Variants in AFF3 observed in about 807,000 individuals in gnomAD.
AFF3 encodes the protein AF4/FMR2 family member 3.
A neutral mutation model predicts 129.7 loss-of-function variants in AFF3; 32 were observed. The ratio of observed to expected loss-of-function variants is 0.25; its 90% CI spans 0.19 to 0.33. The LOEUF (loss-of-function observed/expected upper bound fraction) is 0.33, where lower values mean the gene tolerates loss of function less well. Among genes scored for constraint, AFF3 ranks in the 10% least tolerant of loss-of-function variants. AFF3 has a pLI of 1.00. For missense variants in AFF3, 1,373 were observed against 1,592.0 expected (o/e 0.86, Z 2.34); for synonymous variants, 644 against 635.4 (o/e 1.01, Z -0.20).
chr2:100,102,989 A>G (rs1024599494), intron 4 of AFF3, among the ~76,000 whole-genome samples: 5 of 147,934 alleles, frequency 3.4e-5, no homozygotes, highest in African/African-American at 1.3e-4. Context: ...TTCCAGTGCA[A>G]TACGTAAAAG....
chr2:99,639,516 C>T (rs766227243), intron 13 of AFF3, among the ~76,000 whole-genome samples: 2 of 152,088 alleles, frequency 1.3e-5, no homozygotes, highest in Non-Finnish European at 2.9e-5. Context: ...ACACTGCCCC[C>T]GACAGTTCTC....
chr2:99,799,618 A>G (rs1685788158), intron 8 of AFF3, among the ~76,000 whole-genome samples: 1 of 152,102 alleles, frequency 6.6e-6, no homozygotes, highest in Non-Finnish European at 1.5e-5. Context: ...GAAATTGACA[A>G]GTTGGTTCTA....
At chr2:99,880,908 C>A in intron 7 of AFF3, among the ~76,000 whole-genome samples, 1 of 152,148 alleles carries the variant, frequency 6.6e-6, no homozygotes, top group East Asian at 1.9e-4. Context: ...TAGGAAAATT[C>A]CCCTTCTGTC....
At position 99,744,143 on chromosome 2, in the gene AFF3, GAAA is replaced by G. The variant is rs764218254; in HGVS notation, c.1003-6_1003-4del. ...CCAGAGGATACAAGCTGAGAGTCCT[GAAA>G]GAACAAGAAATATCAATTAATTTTC... is the stretch of plus-strand genomic sequence containing the variant. On this transcript the variant is annotated splice_region_variant and splice_polypyrimidine_tract_variant and intron_variant, in intron 9 of 24. Transcript: ENST00000672756. 1 of 1,599,042 alleles carries G rather than the reference GAAA, an allele frequency of 6.3e-7. No individual in the cohort carries two copies. Among genetic ancestry groups the G allele is most frequent in the Non-Finnish European group, 8.5e-7 (1 of 1,172,870 alleles).
intron 11 of AFF3, among the ~76,000 whole-genome samples, chr2:99,705,326 G>A (rs180734409): frequency 6.6e-6 from 1 of 152,138 alleles, no homozygotes; most frequent in East Asian, 1.9e-4. Flanking sequence ...GGGAAAATAT[G>A]GAAATGTTAT....
chr2:99,723,268 T>C (rs1575793068), intron 11 of AFF3, among the ~76,000 whole-genome samples: 1 of 152,206 alleles, frequency 6.6e-6, no homozygotes, highest in Non-Finnish European at 1.5e-5. Context: ...GACTGTGTCA[T>C]ACTGCCAAGC....
At chr2:99,870,819 G>C (rs1691817560) in intron 7 of AFF3, among the ~76,000 whole-genome samples, 1 of 152,186 alleles carries the variant, frequency 6.6e-6, no homozygotes, top group South Asian at 2.1e-4. Flanking sequence ...CCACTCTGTG[G>C]TCCCTCAAAT....
intron 7 of AFF3, among the ~76,000 whole-genome samples, chr2:99,933,289 G>A (rs1054574905): frequency 6.6e-6 from 1 of 152,162 alleles, no homozygotes; most frequent in East Asian, 1.9e-4. Context: ...AAAGCAAGGG[G>A]CTTAAACTTG....
rs907196202 is a variant in AFF3, at chr2:99,551,742, C to G, written c.3560-147G>C. The stretch of plus-strand genomic sequence containing the variant: ...CATGTAACTTTAGCATTCCTTTGAA[C>G]AAAATAAAATCCAAGGATGGGGAAC... On this transcript the variant is annotated intron_variant, in intron 24 of 24. Coordinates refer to ENST00000672756, the MANE Select transcript of AFF3 (RefSeq NM_001386135.1). 4 of 1,033,318 alleles carry G rather than the reference C, an allele frequency of 3.9e-6. No individual in the cohort carries two copies. The African/African-American group carries it at 6.4e-5, about 17-fold the overall frequency. 64.0% of individuals were successfully genotyped at this position (1,033,318 alleles called of 1,614,324 possible).
intron 7 of AFF3, among the ~76,000 whole-genome samples, chr2:99,867,379 C>G (rs1275835928): frequency 6.6e-6 from 1 of 151,986 alleles, no homozygotes; most frequent in Non-Finnish European, 1.5e-5. Context: ...GCGGCTCTCC[C>G]CTGAATGGAA....
At chr2:99,597,727 C>A (rs1339557596) in intron 14 of AFF3, among the ~76,000 whole-genome samples, 7 of 152,266 alleles carry the variant, frequency 4.6e-5, no homozygotes, top group Non-Finnish European at 1.0e-4. Context: ...GCTGCAGACG[C>A]CAGGCCACTG....
intron 11 of AFF3, among the ~76,000 whole-genome samples, chr2:99,695,074 A>G (rs1575718022): frequency 1.3e-5 from 2 of 152,192 alleles, no homozygotes; most frequent in African/African-American, 2.4e-5. Flanking sequence ...TATTTCACTC[A>G]ATCCAATATG....
At chr2:100,028,680 T>G (rs1014914006) in intron 4 of AFF3, among the ~76,000 whole-genome samples, 4 of 152,204 alleles carry the variant, frequency 2.6e-5, no homozygotes, top group African/African-American at 9.7e-5. Context: ...CTGTTCTTAC[T>G]ATTTTTGAAT....
intron 13 of AFF3, among the ~76,000 whole-genome samples, chr2:99,621,538 T>C (rs1682014417): frequency 1.3e-5 from 2 of 152,238 alleles, no homozygotes; most frequent in Admixed American, 1.3e-4. Context: ...GCTCCTTGCC[T>C]GTCACTGTTG....
intron 4 of AFF3, among the ~76,000 whole-genome samples, chr2:100,019,851 G>C (rs1170101930): frequency 6.6e-6 from 1 of 151,982 alleles, no homozygotes; most frequent in Non-Finnish European, 1.5e-5. Flanking sequence ...CTCCTCCCCA[G>C]GCTAACTCTC....
At chr2:99,582,006 C>A (rs1250756008) in intron 17 of AFF3, among the ~76,000 whole-genome samples, 2 of 151,954 alleles carry the variant, frequency 1.3e-5, no homozygotes, top group African/African-American at 4.8e-5. Flanking sequence ...AGGCGCCTGC[C>A]ACCACGCTAG....
At chr2:99,867,643 A>T (rs1227151580) in intron 7 of AFF3, among the ~76,000 whole-genome samples, 1 of 150,968 alleles carries the variant, frequency 6.6e-6, no homozygotes, top group Non-Finnish European at 1.5e-5. Context: ...AAGTCATTTG[A>T]TAAGTGAGAA....
chr2:99,888,713 CT>C (rs766275560), intron 7 of AFF3, among the ~76,000 whole-genome samples: 47 of 147,256 alleles, frequency 3.2e-4, no homozygotes, highest in East Asian at 1.2e-3. Flanking sequence ...AAAACTGTAT[CT>C]TTTTTTTTTT....
rs561536138 is a variant in AFF3, at chr2:99,828,423, C to T, written c.921+9054G>A. On this transcript the variant is annotated intron_variant, in intron 8 of 24. Transcript: ENST00000672756. ...AGGGGTCCGCGATCCAGACCTCCAG[C>T]ACTGGCTGCTGGAGAGAAGCAGCCT... 2.0e-5 allele frequency among the ~76,000 whole-genome samples: 3 copies of T among 152,312 alleles called. No homozygotes were observed. In the East Asian group the frequency reaches 5.8e-4, roughly 29 times the overall value.
Sources: allele counts gnomAD v4.1 joint callset (sites outside exome capture counted in the v4.1 genomes callset), GRCh38; gene constraint gnomAD v4.1.1; transcripts MANE v1.5; gene names NCBI Gene and HGNC (gene_info 2026-07-23, HGNC 2026-07-21).